NUAK1: variants seen among roughly 807,000 people sequenced by gnomAD.
NUAK1 encodes the protein NUAK family kinase 1.
In NUAK1, 26 loss-of-function variants were observed where a neutral mutation model predicts 56.9. That is an observed-to-expected ratio of 0.46 (90% CI 0.33 to 0.63). The LOEUF is 0.63. NUAK1 is among the 30% of genes least tolerant of loss of function. The probability of loss-of-function intolerance (pLI) is 0.02; values close to 1 mark genes in which losing one functional copy is unlikely to be tolerated. For missense variants in NUAK1, 727 were observed against 876.1 expected (o/e 0.83, Z 2.15); for synonymous variants, 337 against 336.0 (o/e 1.00, Z -0.03).
intron 1 of NUAK1, among the ~76,000 whole-genome samples, chr12:106,122,161 G>A (rs1016452787): frequency 6.6e-5 from 10 of 152,128 alleles, no homozygotes; most frequent in African/African-American, 2.4e-4. Context: ...GATATTTGTA[G>A]ACCAACAGTG....
At chr12:106,068,184 T>C (rs1413953125) in intron 6 of NUAK1, among the ~76,000 whole-genome samples, 1 of 152,224 alleles carries the variant, frequency 6.6e-6, no homozygotes, top group East Asian at 1.9e-4. Flanking sequence ...CATCATGGCA[T>C]GTTTTCCCTG....
chr12:106,136,869 C>G (rs937619975), intron 1 of NUAK1, among the ~76,000 whole-genome samples: 1 of 152,216 alleles, frequency 6.6e-6, no homozygotes, highest in Non-Finnish European at 1.5e-5. Flanking sequence ...TTCCCAGCCT[C>G]TTCTTCCACA....
intron 1 of NUAK1, 102 bp from the exon 2 acceptor site, chr12:106,106,627 A>G: frequency 8.1e-7 from 1 of 1,234,062 alleles, no homozygotes; most frequent in Non-Finnish European, 1.1e-6. Context: ...TTGTTGGCAG[A>G]ACTGACAATA....
chr12:106,084,331 T>C (rs1002548546), intron 3 of NUAK1, among the ~76,000 whole-genome samples: 1 of 152,182 alleles, frequency 6.6e-6, no homozygotes, highest in Non-Finnish European at 1.5e-5. Context: ...GGACTCAAGA[T>C]TGTGGGGCTC....
At position 106,068,057 on chromosome 12, in the gene NUAK1, G is replaced by A; in HGVS notation, c.833-102C>T. 32 of 1,146,386 alleles carry A rather than the reference G, an allele frequency of 2.8e-5. 1 individual carries two copies. In the South Asian group the frequency reaches 5.3e-4, roughly 19 times the overall value. The allele number at this position is 1,146,386 out of a possible 1,614,324, so 71.0% of individuals were successfully genotyped here. ...TGACGAAAGACACACACTCCCTCTA[G>A]GACAAATCCATCTGGAGACCTGGTC... On this transcript the variant is annotated intron_variant, in intron 6 of 6. Transcript: ENST00000261402.
In NUAK1 at chr12:106,106,488, T is replaced by C. The variant is rs907646372; in HGVS notation, c.278A>G (p.Asp93Gly). The stretch of plus-strand genomic sequence containing the variant: ...TCTGATGTGAACCATGTCTTGTTCA[T>C]CCTTAATTTTGTCCTTACGAATGGA... ...IKSIRKDKIKDEQDMVHIRRE... is the reference protein window; with the variant it reads ...IKSIRKDKIKGEQDMVHIRRE... The change falls in exon 2 of 7, where the codon GAT (aspartate) becomes GGT (glycine). Residue 93 changes from aspartate to glycine, a missense_variant. Transcript: ENST00000261402. The C allele has an allele frequency of 1.9e-6, 3 of 1,613,068 alleles. No individual in the cohort carries two copies. The highest frequency in any genetic ancestry group is 1.7e-6 in the Non-Finnish European group (2 of 1,179,386).
rs1348133899 is a variant in NUAK1 at position 106,065,552 on chromosome 12, C to T, written c.*1250G>A. On this transcript the variant is annotated 3_prime_UTR_variant, in exon 7 of 7. Transcript: ENST00000261402. The stretch of plus-strand genomic sequence containing the variant: ...ATACTTAGATTTGGGGGAAAAAAAG[C>T]ACCATCTACCTGATTTTCCTTTCCT... The T allele has an allele frequency of 2.6e-5, 4 of 151,970 alleles. No homozygotes were observed. The highest frequency in any genetic ancestry group is 7.3e-5 in the African/African-American group (3 of 41,266). The allele number at this position is 151,970 out of a possible 1,614,324, so 9.4% of individuals were successfully genotyped here. A position where few individuals can be genotyped will look rare whatever the true frequency, so the allele number is the denominator to read the frequency against.
intron 2 of NUAK1, among the ~76,000 whole-genome samples, chr12:106,103,913 G>A (rs1208257676): frequency 6.6e-6 from 1 of 152,102 alleles, no homozygotes; most frequent in African/African-American, 2.4e-5. Context: ...CACCATGATT[G>A]TAAGTTTCCT....
chr12:106,064,802 C>CG lies in NUAK1; in HGVS notation c.*1999_*2000insC, dbSNP rs1491344740. 7.0e-6 allele frequency: 1 copy of CG among 142,860 alleles called. No homozygotes were observed. 8.8% of individuals were successfully genotyped at this position (142,860 alleles called of 1,614,324 possible). On this transcript the variant is annotated 3_prime_UTR_variant, in exon 7 of 7. Transcript: ENST00000261402. ...ATGCACCCACACCCCCACCCCCCCC[C>CG]ACACACACAATTTGCTATCTACAGA...
At chr12:106,095,906 C>T (rs561526642) in intron 2 of NUAK1, among the ~76,000 whole-genome samples, 1 of 152,278 alleles carries the variant, frequency 6.6e-6, no homozygotes, top group African/African-American at 2.4e-5. Context: ...ACCAGAGGCA[C>T]CTGCTGTCAG....
At chr12:106,137,677 C>T (rs1378652543) in intron 1 of NUAK1, among the ~76,000 whole-genome samples, 1 of 152,206 alleles carries the variant, frequency 6.6e-6, no homozygotes, top group Admixed American at 6.5e-5. Context: ...CGGGGCCAGA[C>T]CCCTTCAGCG....
At chr12:106,130,665 C>T (rs2033069064) in intron 1 of NUAK1, among the ~76,000 whole-genome samples, 1 of 152,218 alleles carries the variant, frequency 6.6e-6, no homozygotes, top group Non-Finnish European at 1.5e-5. Flanking sequence ...GGTGAATGGG[C>T]CCCAGCCCGC....
At chr12:106,096,019 G>A (rs774873585) in intron 2 of NUAK1, among the ~76,000 whole-genome samples, 8 of 152,176 alleles carry the variant, frequency 5.3e-5, no homozygotes, top group Non-Finnish European at 7.3e-5. Context: ...AATCCCCACT[G>A]TTGTACATGG....
In NUAK1 at chr12:106,070,912, G is replaced by A; in HGVS notation, c.700-6C>T. On this transcript the variant is annotated splice_polypyrimidine_tract_variant and splice_region_variant and intron_variant, in intron 5 of 6. Coordinates refer to ENST00000261402, the MANE Select transcript of NUAK1 (RefSeq NM_014840.3). ...CCCAGGGCCCAGCTGTCCACCTGGA[G>A]CAGAGAGACAGCACATATAGGAGAG... The A allele has an allele frequency of 6.2e-7, 1 of 1,614,040 alleles. No individual in the cohort carries two copies. Among genetic ancestry groups the A allele is most frequent in the South Asian group, 1.1e-5 (1 of 91,068 alleles).
intron 2 of NUAK1, among the ~76,000 whole-genome samples, chr12:106,095,256 A>G (rs1592853947): frequency 6.6e-6 from 1 of 152,258 alleles, no homozygotes; most frequent in African/African-American, 2.4e-5. Flanking sequence ...CCCAGAAAGA[A>G]GCAAGGGTTC....
intron 6 of NUAK1, among the ~76,000 whole-genome samples, chr12:106,069,154 C>T (rs1319408926): frequency 6.6e-6 from 1 of 152,162 alleles, no homozygotes; most frequent in African/African-American, 2.4e-5. Flanking sequence ...TGCAAATTTG[C>T]CTACTTGCTA....
At chr12:106,104,398 C>T (rs79118500) in intron 2 of NUAK1, among the ~76,000 whole-genome samples, 7,778 of 152,220 alleles carry the variant, frequency 0.051, 440 homozygotes, top group African/African-American at 0.14. Context: ...ATCTATGTTG[C>T]TTCTTGAGTG....
chr12:106,105,605 C>T (rs2032792533), intron 2 of NUAK1, among the ~76,000 whole-genome samples: 1 of 152,014 alleles, frequency 6.6e-6, no homozygotes, highest in South Asian at 2.1e-4. Flanking sequence ...TCTAACTGGA[C>T]AAAAACCACA....
At chr12:106,083,126 T>C (rs2032536076) in intron 4 of NUAK1, among the ~76,000 whole-genome samples, 1 of 152,222 alleles carries the variant, frequency 6.6e-6, no homozygotes, top group South Asian at 2.1e-4. Flanking sequence ...ATACTCTCCG[T>C]GCAAGTAAAC....
Sources: allele counts gnomAD v4.1 joint callset (sites outside exome capture counted in the v4.1 genomes callset), GRCh38; gene constraint gnomAD v4.1.1; transcripts MANE v1.5; gene names NCBI Gene and HGNC (gene_info 2026-07-23, HGNC 2026-07-21).